The following EDC3 variants were observed in gnomAD, a reference collection of about 807,000 sequenced individuals.
The protein encoded by EDC3 is enhancer of mRNA-decapping protein 3.
Under a neutral mutation model 41.8 loss-of-function variants are expected in EDC3, and 20 were observed. The ratio of observed to expected loss-of-function variants is 0.48; its 90% CI spans 0.34 to 0.70. EDC3 has a LOEUF of 0.70. Ranked by LOEUF, EDC3 falls within the 30% of genes least tolerant of loss-of-function variation. The probability of loss-of-function intolerance (pLI) is 0.01; values close to 1 mark genes in which losing one functional copy is unlikely to be tolerated. For missense variants in EDC3, 444 were observed against 636.8 expected, an observed-to-expected ratio of 0.70 and a Z score of 3.26; for synonymous variants, 206 against 243.2, an observed-to-expected ratio of 0.85 and a Z score of 1.42.
chr15:74,671,582 C>CAGA lies in EDC3; in HGVS notation c.356_357insTCT (p.Lys119delinsAsnLeu), dbSNP rs753606943. The CAGA allele has an allele frequency of 1.2e-6, 2 of 1,614,030 alleles. No individual in the cohort carries two copies. Among genetic ancestry groups the CAGA allele is most frequent in the South Asian group, 1.1e-5 (1 of 91,086 alleles). ...CATCCTGGCTCTTCACATCTGTCCT[C>CAGA]TTAGGGATATTCTGAGGGGCACTGC... On this transcript the variant is annotated protein_altering_variant, in exon 3 of 7. Coordinates refer to ENST00000315127, the MANE Select transcript of EDC3 (RefSeq NM_025083.5). This position sits in a 1 kb window ranked among gnomAD's most constrained non-coding sequence, Gnocchi z 4.6.
chr15:74,660,768 C>T (rs1291798466), intron 3 of EDC3, among the ~76,000 whole-genome samples: 4 of 152,008 alleles, frequency 2.6e-5, no homozygotes, highest in East Asian at 1.9e-4. Context: ...GAAGAAGATA[C>T]GGAATATTCT....
At chr15:74,677,010 C>A (rs1464025139) in intron 1 of EDC3, 1 of 152,182 alleles carries the variant, frequency 6.6e-6, no homozygotes, top group East Asian at 1.9e-4. Flanking sequence ...GCAACAAAAA[C>A]CGTCATTCAT....
rs559087867 is a variant in EDC3 at position 74,642,065 on chromosome 15, C to A, written c.821-1446G>T. 7 of 152,308 alleles carry A rather than the reference C, an allele frequency of 4.6e-5. No homozygotes were observed. In the South Asian group the frequency reaches 1.4e-3, roughly 32 times the overall value. The allele number at this position is 152,308 out of a possible 1,614,324, so 9.4% of individuals were successfully genotyped here. A position where few individuals can be genotyped will look rare whatever the true frequency, so the allele number is the denominator to read the frequency against. ...GGTTATCTATCAGGTCCAGTCCTAC[C>A]TGCATATTCCTAAAGCCACAGAGAA... is the stretch of plus-strand genomic sequence containing the variant. On this transcript the variant is annotated intron_variant, in intron 4 of 6. Transcript: ENST00000315127.
chr15:74,659,023 G>C (rs1368849309), intron 3 of EDC3, among the ~76,000 whole-genome samples: 1 of 152,212 alleles, frequency 6.6e-6, no homozygotes, highest in African/African-American at 2.4e-5. Context: ...CAGCCAGCTA[G>C]ATGATGAACC....
Position 74,655,774 on chromosome 15 carries a change from C to T in EDC3, c.779G>A (p.Arg260Gln), listed in dbSNP as rs778751798. The T allele has an allele frequency of 7.4e-6, 12 of 1,613,576 alleles. No homozygotes were observed. Among genetic ancestry groups the T allele is most frequent in the Non-Finnish European group, 1.0e-5 (12 of 1,179,548 alleles). Residue 260 changes from arginine (R) to glutamine (Q), a missense_variant, in exon 4 of 7, where the codon CGG becomes CAG. Physicochemically the swap from Arg to Gln is conservative, Grantham distance 43. Transcript: ENST00000315127. The stretch of plus-strand genomic sequence containing the variant: ...GCTCACGTTGTGGGGCACTATGATC[C>T]GTCGATAGACAATGGGCTCGGACTC... The part of the protein sequence containing the change: ...ILESEPIVYR[R>Q]IIVPHNVSKE...
rs188832609 is a variant in EDC3, at chr15:74,649,104, G to A, written c.820+6629C>T. On this transcript the variant is annotated intron_variant, in intron 4 of 6. Transcript: ENST00000315127. ...TTTTGAGACAGAGTCTCACTCTGTC[G>A]CCCAGGCTGGAGTGCAGTGGCACAA... 7.4e-4 allele frequency among the ~76,000 whole-genome samples: 93 copies of A among 126,368 alleles called. 2 individuals are homozygous for A. The highest frequency in any genetic ancestry group is 2.7e-3 in the African/African-American group (88 of 32,030). 82.9% of individuals were successfully genotyped at this position (126,368 alleles called of 152,430 possible).
intron 1 of EDC3, among the ~76,000 whole-genome samples, chr15:74,684,936 G>C (rs2062918609): frequency 6.6e-6 from 1 of 152,046 alleles, no homozygotes; most frequent in South Asian, 2.1e-4. Context: ...TCTATGAATG[G>C]TTAGTTCCAT....
intron 1 of EDC3, among the ~76,000 whole-genome samples, chr15:74,690,094 A>G (rs907417727): frequency 3.9e-5 from 6 of 152,192 alleles, no homozygotes; most frequent in African/African-American, 1.4e-4. Context: ...GTATTCAACA[A>G]TGTTAAATAT....
intron 1 of EDC3, among the ~76,000 whole-genome samples, chr15:74,683,282 C>T (rs1057079065): frequency 3.9e-5 from 6 of 152,206 alleles, no homozygotes; most frequent in Non-Finnish European, 8.8e-5. Context: ...TGCCTGTAAT[C>T]CCAGCACTTT....
intron 4 of EDC3, among the ~76,000 whole-genome samples, chr15:74,649,016 C>T (rs2062448574): frequency 6.6e-6 from 1 of 151,936 alleles, no homozygotes; most frequent in Admixed American, 6.6e-5. Flanking sequence ...CCTGTGCCTC[C>T]CGAGTAGCTG....
At chr15:74,654,667 G>T (rs890231134) in intron 4 of EDC3, among the ~76,000 whole-genome samples, 12 of 145,374 alleles carry the variant, frequency 8.3e-5, no homozygotes, top group African/African-American at 3.0e-4. Context: ...TCAGCAGCTT[G>T]TTTTTTTTTT....
In EDC3 at chr15:74,674,939, AAG is replaced by A. The variant is rs1274611646; in HGVS notation, c.164+20_164+21del. On this transcript the variant is annotated intron_variant, in intron 2 of 6. Transcript: ENST00000315127. The stretch of plus-strand genomic sequence containing the variant: ...CCACAGACCACCAGGTTGGATTCAG[AAG>A]AGTCAGTCAGGACACTCACCTGAAG... 6.2e-7 allele frequency: 1 copy of A among 1,613,576 alleles called. No individual in the cohort carries two copies. The highest frequency in any genetic ancestry group is 8.5e-7 in the Non-Finnish European group (1 of 1,179,892).
intron 1 of EDC3, among the ~76,000 whole-genome samples, chr15:74,691,731 T>C (rs2063009525): frequency 1.3e-5 from 2 of 152,222 alleles, no homozygotes; most frequent in Non-Finnish European, 1.5e-5. Flanking sequence ...ACTACAGCCC[T>C]AAACCAGATC....
At chr15:74,661,028 T>C (rs1238803497) in intron 3 of EDC3, among the ~76,000 whole-genome samples, 4 of 152,200 alleles carry the variant, frequency 2.6e-5, no homozygotes, top group Non-Finnish European at 4.4e-5. Context: ...AAGTGTACAG[T>C]TCAGTGGCAT....
chr15:74,684,560 C>T (rs575738053), intron 1 of EDC3, among the ~76,000 whole-genome samples: 58 of 150,064 alleles, frequency 3.9e-4, no homozygotes, highest in Non-Finnish European at 8.0e-4. Context: ...TGTCCACTCT[C>T]ACCACTTGTA....
intron 1 of EDC3, among the ~76,000 whole-genome samples, chr15:74,682,356 C>T (rs899528825): frequency 6.6e-6 from 1 of 152,022 alleles, no homozygotes; most frequent in African/African-American, 2.4e-5. Flanking sequence ...CGGTGGCTCA[C>T]GCCTGTAATC....
chr15:74,651,242 AGT>A (rs1417430081), intron 4 of EDC3, among the ~76,000 whole-genome samples: 1 of 152,234 alleles, frequency 6.6e-6, no homozygotes, highest in Admixed American at 6.5e-5. Flanking sequence ...GCCAATCCAG[AGT>A]GTGATCACTG....
intron 4 of EDC3, among the ~76,000 whole-genome samples, chr15:74,652,720 A>AG (rs1440438616): frequency 6.6e-6 from 1 of 152,040 alleles, no homozygotes; most frequent in Non-Finnish European, 1.5e-5. Context: ...CTGGGACTAC[A>AG]GGCACATGCC....
intron 1 of EDC3, among the ~76,000 whole-genome samples, chr15:74,680,897 T>C (rs2062863358): frequency 1.3e-5 from 2 of 151,768 alleles, no homozygotes; most frequent in Admixed American, 6.6e-5. Flanking sequence ...AAAAATAAAG[T>C]ACTAGGTGTA....
Sources: gnomAD v4.1 joint callset for allele counts (sites outside exome capture counted in the v4.1 genomes callset) on GRCh38, gnomAD v4.1.1 for gene constraint, Gnocchi (gnomAD v3.1) non-coding constraint, MANE v1.5 for transcripts, NCBI Gene and HGNC (gene_info 2026-07-23, HGNC 2026-07-21) for gene names.